The following HERC2 variants were observed in gnomAD, a reference collection of about 807,000 sequenced individuals.
HERC2 encodes the protein E3 ubiquitin-protein ligase HERC2.
HERC2 carries 102 observed loss-of-function variants against 537.7 expected under a neutral mutation model. The observed-to-expected ratio is 0.19, with a 90% CI of 0.16 to 0.22. The LOEUF (loss-of-function observed/expected upper bound fraction) is 0.22, where lower values mean the gene tolerates loss of function less well. Among genes scored for constraint, HERC2 ranks in the 10% least tolerant of loss-of-function variants. The probability of loss-of-function intolerance (pLI) is 1.00; values close to 1 mark genes in which losing one functional copy is unlikely to be tolerated. For synonymous variants in HERC2, 2,224 were observed against 2,466.2 expected (o/e 0.90, Z 2.91); for missense variants, 4,236 against 6,198.2 (o/e 0.68, Z 10.63).
intron 55 of HERC2, among the ~76,000 whole-genome samples, chr15:28,187,324 T>G (rs575472623): frequency 4.6e-4 from 69 of 150,122 alleles, no homozygotes; most frequent in African/African-American, 1.5e-3. Flanking sequence ...GAGGTCTGGT[T>G]TTTTTTTTTG....
intron 57 of HERC2, among the ~76,000 whole-genome samples, chr15:28,181,151 G>A (rs1159886659): frequency 6.6e-6 from 1 of 152,090 alleles, no homozygotes; most frequent in Non-Finnish European, 1.5e-5. Context: ...AATTCCTAGG[G>A]CCCTTTGTCT....
chr15:28,174,482 A>C lies in HERC2; in HGVS notation c.9970T>G (p.Trp3324Gly), dbSNP rs1278800389. The change falls in exon 65 of 93, where the codon TGG (tryptophan) becomes GGG (glycine). Residue 3324 changes from tryptophan (W) to glycine (G), a missense_variant. Coordinates refer to ENST00000261609, the MANE Select transcript of HERC2 (RefSeq NM_004667.6). ...VACGSSHSVA[W>G]TTVDVATPSV... ...GGCGTGGCCACATCCACAGTTGTCC[A>C]CGCCACACTGTGGGACGACCCACAA... 6.2e-7 allele frequency: 1 copy of C among 1,614,002 alleles called. No individual in the cohort carries two copies. Among genetic ancestry groups the C allele is most frequent in the Admixed American group, 1.7e-5 (1 of 60,028 alleles).
At position 28,248,604 on chromosome 15, in the gene HERC2, A is replaced by C; in HGVS notation, c.3183T>G (p.Leu1061=). The C allele has an allele frequency of 1.2e-6, 2 of 1,613,838 alleles. No individual in the cohort carries two copies. The highest frequency in any genetic ancestry group is 1.7e-6 in the Non-Finnish European group (2 of 1,179,724). ...LDLLLRFQRL[L]ISKLYPGESI... ...TTTCTCCTGGATAAAGTTTACTAAT[A>C]AGCAAACGTTGAAAACGCAGTAACA... Residue 1061 remains leucine, a synonymous_variant, in exon 21 of 93, where the codon CTT becomes CTG. Coordinates refer to ENST00000261609, the MANE Select transcript of HERC2 (RefSeq NM_004667.6).
chr15:28,282,881 G>A (rs1295728344), intron 4 of HERC2, among the ~76,000 whole-genome samples: 1 of 151,680 alleles, frequency 6.6e-6, no homozygotes, highest in Non-Finnish European at 1.5e-5. Flanking sequence ...GCAGTGAGCC[G>A]AGAACGTCCA....
At chr15:28,203,479 A>C (rs1413271223) in intron 45 of HERC2, 1 of 152,090 alleles carries the variant, frequency 6.6e-6, no homozygotes, top group Non-Finnish European at 1.5e-5. Flanking sequence ...TGGTTCTGAT[A>C]ATTGAGAGTT....
intron 44 of HERC2, among the ~76,000 whole-genome samples, chr15:28,209,283 T>A (rs1898841245): frequency 6.6e-6 from 1 of 152,228 alleles, no homozygotes; most frequent in South Asian, 2.1e-4. Flanking sequence ...AACAATTTTT[T>A]AAAATATAAT....
At chr15:28,155,008 A>G (rs1892847677) in intron 69 of HERC2, among the ~76,000 whole-genome samples, 1 of 148,636 alleles carries the variant, frequency 6.7e-6, no homozygotes, top group African/African-American at 2.5e-5. Flanking sequence ...AAGTGAGAAC[A>G]TGCAGTGTTT....
At chr15:28,121,645 G>A (rs1888902381) in intron 85 of HERC2, among the ~76,000 whole-genome samples, 1 of 152,220 alleles carries the variant, frequency 6.6e-6, no homozygotes, top group Non-Finnish European at 1.5e-5. Flanking sequence ...CCAATGGCCG[G>A]GCAAGAGGCA....
At chr15:28,132,889 T>C (rs2142170723) in intron 79 of HERC2, 59 bp from the exon 80 acceptor site, 1 of 1,311,168 alleles carries the variant, frequency 7.6e-7, no homozygotes, top group East Asian at 2.7e-5. Flanking sequence ...CATTTTTCAG[T>C]GTATTAAATA....
At chr15:28,269,490 G>T in intron 10 of HERC2, 54 bp from the exon 11 acceptor site, 7 of 1,432,638 alleles carry the variant, frequency 4.9e-6, no homozygotes, top group South Asian at 2.4e-5. Context: ...ATAAAAAAAG[G>T]CTGGGAGTAA....
chr15:28,185,745 A>T (rs1896247751), intron 56 of HERC2, among the ~76,000 whole-genome samples: 2 of 151,888 alleles, frequency 1.3e-5, no homozygotes, highest in South Asian at 4.2e-4. Flanking sequence ...GCCTGGGGGG[A>T]AGTTTTCCTT....
chr15:28,161,300 T>C (rs1893571100), intron 69 of HERC2, among the ~76,000 whole-genome samples: 2 of 152,206 alleles, frequency 1.3e-5, no homozygotes, highest in Non-Finnish European at 2.9e-5. Flanking sequence ...GAAGTTCCTT[T>C]AAAGAGAATA....
chr15:28,278,901 A>G (rs2075950251), intron 5 of HERC2, among the ~76,000 whole-genome samples: 1 of 152,264 alleles, frequency 6.6e-6, no homozygotes, highest in Non-Finnish European at 1.5e-5. Flanking sequence ...ACAAATTTAC[A>G]TAAGCCTTAA....
intron 53 of HERC2, among the ~76,000 whole-genome samples, chr15:28,191,678 T>G (rs1419931175): frequency 6.6e-6 from 1 of 152,178 alleles, no homozygotes; most frequent in East Asian, 1.9e-4. Flanking sequence ...AAATCTGAAT[T>G]CATACATTCT....
chr15:28,223,215 C>T (rs913221514), intron 35 of HERC2, among the ~76,000 whole-genome samples: 2 of 152,016 alleles, frequency 1.3e-5, no homozygotes, highest in South Asian at 2.1e-4. Flanking sequence ...AAAATAGGAG[C>T]GCTAACCCCA....
Position 28,114,547 on chromosome 15 carries a change from C to T in HERC2, c.13913+65G>A, listed in dbSNP as rs1269241779. The T allele has an allele frequency of 2.7e-6, 4 of 1,468,966 alleles. No homozygotes were observed. The Admixed American group carries it at 6.8e-5, about 25-fold the overall frequency. 91.0% of individuals were successfully genotyped at this position (1,468,966 alleles called of 1,614,324 possible). ...GACACTCCTGAAAAACACACATGTC[C>T]ACACAACCACGTTCTGCTACTTTTG... On this transcript the variant is annotated intron_variant, in intron 90 of 92. Coordinates refer to ENST00000261609, the MANE Select transcript of HERC2 (RefSeq NM_004667.6).
At chr15:28,199,731 G>T (rs1897711702) in intron 48 of HERC2, among the ~76,000 whole-genome samples, 1 of 152,154 alleles carries the variant, frequency 6.6e-6, no homozygotes, top group African/African-American at 2.4e-5. Flanking sequence ...CTGTTGAGAT[G>T]GGGCCGGAGG....
chr15:28,222,261 G>A (rs1446387283), intron 35 of HERC2, 46 bp from the exon 36 acceptor site: 8 of 1,054,152 alleles, frequency 7.6e-6, no homozygotes, highest in Non-Finnish European at 1.2e-5. Flanking sequence ...AGTAGCTACA[G>A]TGTCCCCTTA....
intron 69 of HERC2, among the ~76,000 whole-genome samples, chr15:28,154,132 A>G (rs887298708): frequency 1.1e-4 from 16 of 152,244 alleles, no homozygotes; most frequent in Non-Finnish European, 5.9e-5. Context: ...TAAATGAGAG[A>G]ATACATCATA....
Sources: allele counts gnomAD v4.1 joint callset (sites outside exome capture counted in the v4.1 genomes callset), GRCh38; gene constraint gnomAD v4.1.1; transcripts MANE v1.5; gene names NCBI Gene and HGNC (gene_info 2026-07-23, HGNC 2026-07-21).